STARD9: variants seen among roughly 807,000 people sequenced by gnomAD.
STARD9 encodes the protein stAR-related lipid transfer protein 9.
A neutral mutation model predicts 399.8 loss-of-function variants in STARD9; 346 were observed. The observed-to-expected ratio is 0.87, with a 90% CI of 0.79 to 0.95. The LOEUF (loss-of-function observed/expected upper bound fraction) is 0.95, where lower values mean the gene tolerates loss of function less well. Ranked by LOEUF, STARD9 falls within the 40% of genes least tolerant of loss-of-function variation. The pLI is 0.00. For synonymous variants in STARD9, 2,203 were observed against 2,143.5 expected, an observed-to-expected ratio of 1.03 and a Z score of -0.77; for missense variants, 5,832 against 5,667.5, an observed-to-expected ratio of 1.03 and a Z score of -0.93.
chr15:42,604,626 ATTTTTTTTTTTTT>A (rs11349330), intron 3 of STARD9, among the ~76,000 whole-genome samples: 752 of 54,814 alleles, frequency 0.014, 11 homozygotes, highest in African/African-American at 0.041. Context: ...GATCAAATTG[ATTTTTTTTTTTTT>A]TTTTTTTTTT....
At chr15:42,622,483 T>C (rs145521822) in intron 3 of STARD9, among the ~76,000 whole-genome samples, 20 of 152,192 alleles carry the variant, frequency 1.3e-4, no homozygotes, top group Non-Finnish European at 1.0e-4. Context: ...TCCTCCCACC[T>C]CCGACTCTTG....
At chr15:42,596,207 T>C (rs929729260) in intron 3 of STARD9, among the ~76,000 whole-genome samples, 1 of 152,152 alleles carries the variant, frequency 6.6e-6, no homozygotes. Flanking sequence ...TGCCCAAAGC[T>C]TGATAGTCAT....
rs566039804 is a variant in STARD9, at chr15:42,612,937, T to G, written c.235-21919T>G. The stretch of plus-strand genomic sequence containing the variant: ...AGGTGGAGGTTGCAGTCAGCCAAGA[T>G]CCTGCCACTGCATTCCAGCCTGGGC... On this transcript the variant is annotated intron_variant, in intron 3 of 32. Coordinates refer to ENST00000290607, the MANE Select transcript of STARD9 (RefSeq NM_020759.3). 2.9e-5 allele frequency among the ~76,000 whole-genome samples: 4 copies of G among 140,048 alleles called. No homozygotes were observed. In the Admixed American group the frequency reaches 3.1e-4, roughly 11 times the overall value. 91.9% of individuals were successfully genotyped at this position (140,048 alleles called of 152,430 possible).
chr15:42,581,467 C>T, intron 1 of STARD9: 1 of 1,529,352 alleles, frequency 6.5e-7, no homozygotes, highest in Non-Finnish European at 9.0e-7. Flanking sequence ...GGCTGGTGGC[C>T]GCTGCCAGCG....
At chr15:42,612,709 T>C (rs2141818432) in intron 3 of STARD9, among the ~76,000 whole-genome samples, 1 of 152,212 alleles carries the variant, frequency 6.6e-6, no homozygotes, top group African/African-American at 2.4e-5. Flanking sequence ...ATCCAGCAGG[T>C]TGCAGTGGCG....
At chr15:42,652,240 C>T (rs1449452985) in intron 8 of STARD9, among the ~76,000 whole-genome samples, 1 of 151,410 alleles carries the variant, frequency 6.6e-6, no homozygotes, top group Non-Finnish European at 1.5e-5. Context: ...TCTTCATTTC[C>T]CTTTTCACTT....
At chr15:42,609,861 G>A (rs2058812805) in intron 3 of STARD9, among the ~76,000 whole-genome samples, 2 of 152,100 alleles carry the variant, frequency 1.3e-5, no homozygotes. Context: ...GGGAGGCTGA[G>A]GCGGATGGAT....
Position 42,669,242 on chromosome 15 carries a change from A to T in STARD9, c.1402A>T (p.Arg468Trp). Reference protein sequence around the residue: ...MEHYSVDINRRRAGVVIDSSL... With the variant: ...MEHYSVDINRWRAGVVIDSSL... ...GCATTACAGTGTGGACATCAACAGG[A>T]GGAGGGCTGGGGTGGTCATCGACTC... Residue 468 changes from arginine (R) to tryptophan (W), a missense_variant, in exon 16 of 33, where the codon AGG becomes TGG. Arg to Trp is a moderately radical substitution (Grantham distance 101, BLOSUM62 -3). Transcript: ENST00000290607. 6.5e-7 allele frequency: 1 copy of T among 1,537,122 alleles called. No homozygotes were observed. Among genetic ancestry groups the T allele is most frequent in the South Asian group, 1.2e-5 (1 of 84,050 alleles).
Position 42,694,327 on chromosome 15 carries a change from A to C in STARD9, c.12749A>C (p.Lys4250Thr). 6.6e-7 allele frequency: 1 copy of C among 1,523,868 alleles called. No homozygotes were observed. Among genetic ancestry groups the C allele is most frequent in the Non-Finnish European group, 8.8e-7 (1 of 1,139,198 alleles). 94.4% of individuals were successfully genotyped at this position (1,523,868 alleles called of 1,614,324 possible). The stretch of plus-strand genomic sequence containing the variant: ...GATGAACCTGTGACATCCACCTGGA[A>C]GGAGCTCTATGCACGGTAAGGACCC... ...AADEPVTSTW[K>T]ELYARQKKAI... Residue 4250 changes from lysine to threonine, a missense_variant, in exon 23 of 33, where the codon AAG becomes ACG. This residue lies in a region of STARD9 where 5,828 missense variants were observed against 5,651.1 expected (regional missense o/e 1.03). Coordinates refer to ENST00000290607, the MANE Select transcript of STARD9 (RefSeq NM_020759.3).
rs1213002023 is a variant in STARD9 at position 42,709,091 on chromosome 15, T to C, written c.13285-7586T>C. ...GTCTCTCCACTGAATGTTGCTATAT[T>C]GTCCTTTATGATTAATGAACATGGC... is the stretch of plus-strand genomic sequence containing the variant. On this transcript the variant is annotated intron_variant, in intron 26 of 32. Coordinates refer to ENST00000290607, the MANE Select transcript of STARD9 (RefSeq NM_020759.3). 2.6e-5 allele frequency among the ~76,000 whole-genome samples: 4 copies of C among 152,194 alleles called. No individual in the cohort carries two copies. The East Asian group carries it at 5.8e-4, about 22-fold the overall frequency.
intron 3 of STARD9, among the ~76,000 whole-genome samples, chr15:42,590,713 G>GCATC (rs1210781394): frequency 6.6e-6 from 1 of 152,216 alleles, no homozygotes; most frequent in African/African-American, 2.4e-5. Context: ...GGTTCAGAGA[G>GCATC]CATCCAGTTG....
rs28680600 is a variant in STARD9 at position 42,686,907 on chromosome 15, A to G, written c.5329A>G (p.Arg1777Gly). 0.022 allele frequency: 34,490 copies of G among 1,536,676 alleles called. 1,773 individuals are homozygous for G. Among genetic ancestry groups the G allele is most frequent in the African/African-American group, 0.2 (14,766 of 73,066 alleles). Residue 1777 changes from arginine (R) to glycine (G), a missense_variant, in exon 23 of 33, where the codon AGG (arginine) becomes GGG (glycine). By Grantham distance (125) the Arg-to-Gly change is moderately radical. This residue lies in a region of STARD9 where 5,828 missense variants were observed against 5,651.1 expected (regional missense o/e 1.03). Coordinates refer to ENST00000290607, the MANE Select transcript of STARD9 (RefSeq NM_020759.3). Reference sequence around the variant, plus strand: ...AGTAAGGGTACCCTCCCCACCCCCCAGGGAAGCCTGGGGCTTTGGTCACAA... The same window carrying G: ...AGTAAGGGTACCCTCCCCACCCCCCGGGGAAGCCTGGGGCTTTGGTCACAA... ...REVRVPSPPP[R>G]EAWGFGHNHQ...
At chr15:42,674,720 A>G (rs1566924436) in intron 17 of STARD9, 107 bp from the exon 18 acceptor site, 5 of 1,410,910 alleles carry the variant, frequency 3.5e-6, no homozygotes, top group Admixed American at 2.7e-5. Flanking sequence ...CTCTTTTATT[A>G]TGGTATGAGG....
rs544407299 is a variant in STARD9, at chr15:42,644,744, A to G, written c.559+5932A>G. On this transcript the variant is annotated intron_variant, in intron 7 of 32. Coordinates refer to ENST00000290607, the MANE Select transcript of STARD9 (RefSeq NM_020759.3). ...TCATGAAAAATTTTTCTGTAGTGTG[A>G]AATGCTGTTTGATAGCATTTTACTC... 1.1e-4 allele frequency among the ~76,000 whole-genome samples: 17 copies of G among 152,266 alleles called. No individual in the cohort carries two copies. The East Asian group carries it at 3.3e-3, about 29-fold the overall frequency.
rs568057893 is a variant in STARD9, at chr15:42,616,062, A to G, written c.235-18794A>G. Among the ~76,000 whole-genome samples the G allele has an allele frequency of 2.6e-5, 4 of 152,116 alleles. No homozygotes were observed. The South Asian group carries it at 8.3e-4, about 32-fold the overall frequency. The stretch of plus-strand genomic sequence containing the variant: ...TTGTATTTTTTTTTTCGCTTGGTAT[A>G]AGAAGTGAGCATTGTTTGTAATTTG... On this transcript the variant is annotated intron_variant, in intron 3 of 32. Transcript: ENST00000290607.
At chr15:42,576,772 G>C (rs1353925579) in intron 1 of STARD9, among the ~76,000 whole-genome samples, 3 of 152,212 alleles carry the variant, frequency 2.0e-5, no homozygotes, top group African/African-American at 7.2e-5. Context: ...TGTGGATTAT[G>C]TTCGTCCTCA....
rs2060280467 is a variant in STARD9, at chr15:42,674,952, C to CGTCT, written c.1677_1680dup (p.Thr561SerfsTer70). 1 of 1,534,354 alleles carries CGTCT rather than the reference C, an allele frequency of 6.5e-7. No homozygotes were observed. Among genetic ancestry groups the CGTCT allele is most frequent in the East Asian group, 2.4e-5 (1 of 40,890 alleles). On this transcript the variant is annotated frameshift_variant, in exon 18 of 33. Coordinates refer to ENST00000290607, the MANE Select transcript of STARD9 (RefSeq NM_020759.3). LOFTEE classifies it high-confidence loss of function. ...TGGCCGGGAGGTCACTGCCTCCTGC[C>CGTCT]GTCTGACTCAAGGTAGGACTGTCTG...
At chr15:42,669,562 A>G (rs1193979318) in intron 16 of STARD9, 4 of 393,178 alleles carry the variant, frequency 1.0e-5, no homozygotes, top group African/African-American at 3.9e-5. Context: ...TTGTTTTTCA[A>G]CTGCTGCTAC....
At chr15:42,594,574 C>T (rs1000378410) in intron 3 of STARD9, among the ~76,000 whole-genome samples, 6 of 152,180 alleles carry the variant, frequency 3.9e-5, no homozygotes, top group African/African-American at 1.4e-4. Context: ...GTTAAGAGAC[C>T]ATTCAAGATA....
Sources: gnomAD v4.1 joint callset for allele counts (sites outside exome capture counted in the v4.1 genomes callset) on GRCh38, gnomAD v4.1.1 for gene constraint, gnomAD v4.1.1 regional missense constraint, MANE v1.5 for transcripts, NCBI Gene and HGNC (gene_info 2026-07-23, HGNC 2026-07-21) for gene names.